Variants in CDH12 observed in about 807,000 individuals in gnomAD.
CDH12 encodes the protein cadherin-12.
CDH12 carries 41 observed loss-of-function variants against 74.1 expected under a neutral mutation model. That is an observed-to-expected ratio of 0.55 (90% confidence interval 0.43 to 0.72). The LOEUF is 0.72. CDH12 is among the 30% of genes least tolerant of loss of function. The probability of loss-of-function intolerance (pLI) is 0.00; values close to 1 mark genes in which losing one functional copy is unlikely to be tolerated. For missense variants in CDH12, 945 were observed against 977.2 expected (o/e 0.97, Z 0.44); for synonymous variants, 399 against 355.0 (o/e 1.12, Z -1.39).
Position 22,083,276 on chromosome 5 carries a change from C to A in CDH12, c.-186-4414G>T, listed in dbSNP as rs141200902. Among the ~76,000 whole-genome samples the A allele has an allele frequency of 2.5e-3, 383 of 152,318 alleles. 5 individuals carry two copies. The highest frequency in any genetic ancestry group is 8.5e-3 in the African/African-American group (355 of 41,580). ...GCATAATCGACCTCTGCATGTTCAA[C>A]CCTTGCCATTCTCTTCCTTTCCTGA... On this transcript the variant is annotated intron_variant, in intron 4 of 14. Transcript: ENST00000382254.
chr5:22,021,547 C>G (rs1371022928), intron 5 of CDH12, among the ~76,000 whole-genome samples: 2 of 152,148 alleles, frequency 1.3e-5, no homozygotes, highest in African/African-American at 4.8e-5. Context: ...TTCAACTTTA[C>G]AATTATGTGA....
At chr5:22,454,265 C>G (rs949031023) in intron 2 of CDH12, among the ~76,000 whole-genome samples, 1 of 152,144 alleles carries the variant, frequency 6.6e-6, no homozygotes, top group Non-Finnish European at 1.5e-5. Context: ...AACAATTAGT[C>G]TTTCGTATAT....
intron 6 of CDH12, among the ~76,000 whole-genome samples, chr5:21,911,708 T>C (rs975550690): frequency 6.6e-6 from 1 of 152,154 alleles, no homozygotes; most frequent in Admixed American, 6.6e-5. Context: ...GAGGAATACA[T>C]GTATGTGTTT....
rs1452108019 is a variant in CDH12, at chr5:22,058,027, AT to A, written c.231+20418del. Among the ~76,000 whole-genome samples the A allele has an allele frequency of 7.4e-5, 11 of 148,068 alleles. No individual in the cohort carries two copies. In the East Asian group the frequency reaches 2.1e-3, roughly 29 times the overall value. ...TATCTATCTATCTATCTATCTATCT[AT>A]CTATCTATCTATCTATCATCTATCT... On this transcript the variant is annotated intron_variant, in intron 5 of 14. Coordinates refer to ENST00000382254, the MANE Select transcript of CDH12 (RefSeq NM_004061.5).
chr5:22,733,364 G>A (rs955273061), intron 1 of CDH12, among the ~76,000 whole-genome samples: 9 of 151,166 alleles, frequency 6.0e-5, no homozygotes, highest in Middle Eastern at 3.2e-3. Flanking sequence ...GTTAAAAAAG[G>A]AGCAAAATTC....
intron 1 of CDH12, among the ~76,000 whole-genome samples, chr5:22,733,638 T>G (rs12519845): frequency 0.094 from 14,325 of 151,882 alleles, 893 homozygotes; most frequent in Admixed American, 0.16. Context: ...TCTTCTTCCC[T>G]CATAAGCCCA....
chr5:22,185,875 G>A (rs532814493), intron 4 of CDH12, among the ~76,000 whole-genome samples: 1 of 152,300 alleles, frequency 6.6e-6, no homozygotes, highest in African/African-American at 2.4e-5. Flanking sequence ...ATGAAAGGAA[G>A]AAAATCCTCT....
intron 1 of CDH12, among the ~76,000 whole-genome samples, chr5:22,670,060 A>T (rs995340737): frequency 6.6e-6 from 1 of 152,192 alleles, no homozygotes; most frequent in African/African-American, 2.4e-5. Flanking sequence ...AAAGGAAAAA[A>T]GGTTGAAAAG....
At chr5:22,508,522 C>T (rs1208777443) in intron 1 of CDH12, among the ~76,000 whole-genome samples, 1 of 152,106 alleles carries the variant, frequency 6.6e-6, no homozygotes, top group Non-Finnish European at 1.5e-5. Flanking sequence ...CTTCCCAATC[C>T]TAAAGAGGTT....
chr5:22,276,371 A>T (rs1443368446), intron 3 of CDH12, among the ~76,000 whole-genome samples: 1 of 152,226 alleles, frequency 6.6e-6, no homozygotes, highest in East Asian at 1.9e-4. Context: ...TTAATAAAAC[A>T]TCCATAAGAT....
intron 3 of CDH12, among the ~76,000 whole-genome samples, chr5:22,333,195 C>G (rs1191685199): frequency 6.6e-6 from 1 of 152,082 alleles, no homozygotes; most frequent in African/African-American, 2.4e-5. Context: ...AAGCCATCAT[C>G]CTCAGCAAAC....
intron 3 of CDH12, among the ~76,000 whole-genome samples, chr5:22,279,842 T>C (rs555952508): frequency 2.0e-5 from 3 of 152,214 alleles, no homozygotes; most frequent in Admixed American, 2.0e-4. Flanking sequence ...AACATACGAG[T>C]GCATGTGTCT....
At chr5:22,081,935 T>C (rs905884787) in intron 4 of CDH12, among the ~76,000 whole-genome samples, 3 of 152,134 alleles carry the variant, frequency 2.0e-5, no homozygotes, top group African/African-American at 4.8e-5. Context: ...GAAACATAAA[T>C]TTAACATGCA....
intron 5 of CDH12, among the ~76,000 whole-genome samples, chr5:22,025,014 C>G (rs1325538548): frequency 6.6e-6 from 1 of 152,052 alleles, no homozygotes; most frequent in Non-Finnish European, 1.5e-5. Flanking sequence ...TGATACTCAG[C>G]TTAAAATCAA....
rs1554027681 is a variant in CDH12, at chr5:22,283,253, C to CACAT, written c.-332-70611_-332-70610insATGT. ...ATATATATATATATATATATATATA[C>CACAT]ACACACACACACACACACACACATA... On this transcript the variant is annotated intron_variant, in intron 3 of 14. Coordinates refer to ENST00000382254, the MANE Select transcript of CDH12 (RefSeq NM_004061.5). Among the ~76,000 whole-genome samples the CACAT allele has an allele frequency of 2.3e-3, 310 of 134,046 alleles. 1 individual carries two copies. The highest frequency in any genetic ancestry group is 9.5e-3 in the African/African-American group (292 of 30,768). 87.9% of individuals were successfully genotyped at this position (134,046 alleles called of 152,430 possible).
intron 1 of CDH12, among the ~76,000 whole-genome samples, chr5:22,527,766 G>A (rs370943228): frequency 1.8e-4 from 27 of 152,122 alleles, no homozygotes; most frequent in African/African-American, 6.3e-4. Context: ...TTTGAATCTC[G>A]TTCTCCACAT....
At chr5:22,110,525 C>G (rs560248336) in intron 4 of CDH12, among the ~76,000 whole-genome samples, 1 of 151,542 alleles carries the variant, frequency 6.6e-6, no homozygotes, top group Admixed American at 6.6e-5. Context: ...GAAGACAGTG[C>G]AATCATAGGG....
chr5:22,544,127 A>G (rs560632282), intron 1 of CDH12, among the ~76,000 whole-genome samples: 3 of 151,490 alleles, frequency 2.0e-5, no homozygotes, highest in Non-Finnish European at 4.4e-5. Flanking sequence ...TTGGTGCATC[A>G]TTTACTTTTT....
At chr5:22,010,978 C>A (rs1478593116) in intron 5 of CDH12, among the ~76,000 whole-genome samples, 1 of 151,892 alleles carries the variant, frequency 6.6e-6, no homozygotes, top group Non-Finnish European at 1.5e-5. Flanking sequence ...AGGTGAGATG[C>A]CTTTTGATTC....
Sources: allele counts gnomAD v4.1 joint callset (sites outside exome capture counted in the v4.1 genomes callset), GRCh38; gene constraint gnomAD v4.1.1; transcripts MANE v1.5; gene names NCBI Gene and HGNC (gene_info 2026-07-23, HGNC 2026-07-21).